The following MGAT4C variants were observed in gnomAD, a reference collection of about 807,000 sequenced individuals.
MGAT4C encodes MGAT4 family member C.
MGAT4C carries 19 observed loss-of-function variants against 40.1 expected under a neutral mutation model. That is an observed-to-expected ratio of 0.47 (90% CI 0.33 to 0.70). The LOEUF (loss-of-function observed/expected upper bound fraction) is 0.70. Among genes scored for constraint, MGAT4C ranks in the 30% least tolerant of loss-of-function variants. The pLI is 0.02. For synonymous variants in MGAT4C, 181 were observed against 187.1 expected (o/e 0.97, Z 0.27); for missense variants, 491 against 563.2 (o/e 0.87, Z 1.30).
chr12:86,250,023 T>C (rs1266149260), intron 1 of MGAT4C, among the ~76,000 whole-genome samples: 1 of 152,144 alleles, frequency 6.6e-6, no homozygotes, highest in South Asian at 2.1e-4. Context: ...TGGTGCTCTG[T>C]TCACTGCTGG....
chr12:86,524,412 T>C (rs1185687025), intron 2 of MGAT4C, among the ~76,000 whole-genome samples: 1 of 152,150 alleles, frequency 6.6e-6, no homozygotes, highest in Non-Finnish European at 1.5e-5. Flanking sequence ...ATGTTGAATA[T>C]TGGCCCCCAA....
chr12:86,649,781 C>A (rs922570458), intron 2 of MGAT4C, among the ~76,000 whole-genome samples: 11 of 151,748 alleles, frequency 7.2e-5, no homozygotes, highest in Admixed American at 6.6e-4. Context: ...ATATCAAGAT[C>A]TTAATAATAT....
At chr12:86,403,220 A>T (rs1956403713) in intron 3 of MGAT4C, among the ~76,000 whole-genome samples, 1 of 152,166 alleles carries the variant, frequency 6.6e-6, no homozygotes, top group Non-Finnish European at 1.5e-5. Context: ...CACCATTGAC[A>T]TTGATTATTA....
chr12:86,676,502 A>C (rs1340632558), intron 2 of MGAT4C, among the ~76,000 whole-genome samples: 1 of 152,148 alleles, frequency 6.6e-6, no homozygotes, highest in Non-Finnish European at 1.5e-5. Flanking sequence ...ATTAGAACAT[A>C]ATTGTCCTTT....
intron 2 of MGAT4C, among the ~76,000 whole-genome samples, chr12:86,726,704 C>T (rs1251156136): frequency 1.2e-4 from 18 of 151,838 alleles, no homozygotes; most frequent in South Asian, 2.1e-4. Flanking sequence ...AACATCAAGT[C>T]GAATTTTATT....
In MGAT4C at chr12:86,687,893, A is replaced by G. The variant is rs901018450; in HGVS notation, c.-229+39316T>C. Reference sequence around the variant, plus strand: ...GTTCAAATCCTGAAGATCCTTGTTAATTTTCTGTATTGTTGATCTGTCTAA... The same window carrying G: ...GTTCAAATCCTGAAGATCCTTGTTAGTTTTCTGTATTGTTGATCTGTCTAA... On this transcript the variant is annotated intron_variant, in intron 2 of 7. Transcript: ENST00000548651. 3.6e-4 allele frequency among the ~76,000 whole-genome samples: 54 copies of G among 152,022 alleles called. 1 individual carries two copies. The highest frequency in any genetic ancestry group is 1.3e-3 in the African/African-American group (53 of 41,458).
At chr12:86,539,117 T>C (rs1959128952) in intron 2 of MGAT4C, among the ~76,000 whole-genome samples, 1 of 152,150 alleles carries the variant, frequency 6.6e-6, no homozygotes, top group Non-Finnish European at 1.5e-5. Flanking sequence ...GTTGGTGTGC[T>C]GCACCCATTA....
chr12:86,561,298 T>A (rs939176162), intron 2 of MGAT4C, among the ~76,000 whole-genome samples: 1 of 152,164 alleles, frequency 6.6e-6, no homozygotes, highest in Non-Finnish European at 1.5e-5. Context: ...CTTGACTGAA[T>A]TGAAGGATGC....
chr12:86,016,102 C>T (rs546570805), intron 2 of MGAT4C: 1 of 152,250 alleles, frequency 6.6e-6, no homozygotes, highest in Admixed American at 6.5e-5. Context: ...AAGTAATTAC[C>T]CGTTTTGGTA....
chr12:86,129,230 G>T (rs950144973), intron 1 of MGAT4C, among the ~76,000 whole-genome samples: 1 of 151,890 alleles, frequency 6.6e-6, no homozygotes, highest in African/African-American at 2.4e-5. Flanking sequence ...TTCGTGGGGT[G>T]GGGGGAGATC....
chr12:86,813,695 T>A (rs1366746635), intron 1 of MGAT4C, among the ~76,000 whole-genome samples: 3 of 152,204 alleles, frequency 2.0e-5, no homozygotes, highest in African/African-American at 7.2e-5. Flanking sequence ...TTTTATAAAA[T>A]CACCTTGTTC....
At chr12:86,792,075 G>T (rs994373990) in intron 1 of MGAT4C, among the ~76,000 whole-genome samples, 2 of 152,104 alleles carry the variant, frequency 1.3e-5, no homozygotes, top group African/African-American at 4.8e-5. Context: ...ATAGCATAAT[G>T]CTTTCAAACC....
chr12:85,994,708 A>G (rs1312650570), intron 2 of MGAT4C, among the ~76,000 whole-genome samples: 2 of 152,180 alleles, frequency 1.3e-5, no homozygotes, highest in Non-Finnish European at 2.9e-5. Context: ...ATGAAAAGGA[A>G]AACAAAATAG....
intron 1 of MGAT4C, among the ~76,000 whole-genome samples, chr12:86,226,665 T>G (rs1026474496): frequency 6.6e-6 from 1 of 151,962 alleles, no homozygotes; most frequent in African/African-American, 2.4e-5. Context: ...TATTTTGTCA[T>G]GAAGTAGAGG....
At chr12:86,145,743 T>G (rs1883423648) in intron 1 of MGAT4C, among the ~76,000 whole-genome samples, 1 of 152,172 alleles carries the variant, frequency 6.6e-6, no homozygotes, top group East Asian at 1.9e-4. Context: ...CTGAAAATAC[T>G]GATGTAAAAA....
At chr12:86,809,503 A>T (rs535429265) in intron 1 of MGAT4C, among the ~76,000 whole-genome samples, 36 of 152,070 alleles carry the variant, frequency 2.4e-4, no homozygotes, top group African/African-American at 8.2e-4. Context: ...CCCACCAGCA[A>T]TATATGATTG....
At chr12:86,427,312 T>A (rs1015474526) in intron 3 of MGAT4C, among the ~76,000 whole-genome samples, 4 of 152,162 alleles carry the variant, frequency 2.6e-5, no homozygotes, top group Non-Finnish European at 4.4e-5. Context: ...TACATAATAT[T>A]ATAATGCCAC....
At chr12:86,473,912 T>G (rs1957791668) in intron 2 of MGAT4C, among the ~76,000 whole-genome samples, 1 of 152,144 alleles carries the variant, frequency 6.6e-6, no homozygotes, top group African/African-American at 2.4e-5. Context: ...TAGGGTTCAC[T>G]GTGCAACAGA....
chr12:86,525,707 A>G (rs369567397), intron 2 of MGAT4C, among the ~76,000 whole-genome samples: 1 of 152,092 alleles, frequency 6.6e-6, no homozygotes, highest in Non-Finnish European at 1.5e-5. Flanking sequence ...ATTTTATGGG[A>G]CCAACACTCA....
Sources: allele counts gnomAD v4.1 joint callset (sites outside exome capture counted in the v4.1 genomes callset), GRCh38; gene constraint gnomAD v4.1.1; transcripts MANE v1.5; gene names NCBI Gene and HGNC (gene_info 2026-07-23, HGNC 2026-07-21).